LINGO2: variants seen among roughly 807,000 people sequenced by gnomAD.
LINGO2 encodes the protein leucine-rich repeat and immunoglobulin-like domain-containing nogo receptor-interacting protein 2.
Under a neutral mutation model 30.6 loss-of-function variants are expected in LINGO2, and 14 were observed. The observed-to-expected ratio is 0.46, with a 90% CI of 0.30 to 0.72. The LOEUF is 0.72. Ranked by LOEUF, LINGO2 falls within the 30% of genes least tolerant of loss-of-function variation. LINGO2 has a pLI of 0.07. For missense variants in LINGO2, 729 were observed against 751.7 expected (o/e 0.97, Z 0.35); for synonymous variants, 317 against 288.5 (o/e 1.10, Z -1.00).
chr9:28,243,453 C>G (rs1821877781), intron 4 of LINGO2, among the ~76,000 whole-genome samples: 1 of 100,698 alleles, frequency 9.9e-6, no homozygotes, highest in Non-Finnish European at 1.9e-5. Flanking sequence ...GAGAAAGACT[C>G]TCTCAAAAAA....
the LINGO2 span, among the ~76,000 whole-genome samples, chr9:29,053,736 G>C: frequency 1.3e-5 from 2 of 151,890 alleles, no homozygotes; most frequent in African/African-American, 4.8e-5. Context: ...TTTCATTTTT[G>C]TCAATAGATT....
At chr9:28,657,068 A>G (rs1828376876) in intron 1 of LINGO2, among the ~76,000 whole-genome samples, 1 of 152,102 alleles carries the variant, frequency 6.6e-6, no homozygotes, top group African/African-American at 2.4e-5. Flanking sequence ...CCATACATAA[A>G]GACTTGATCC....
At chr9:28,626,090 T>G (rs1010908782) in intron 1 of LINGO2, among the ~76,000 whole-genome samples, 2 of 152,136 alleles carry the variant, frequency 1.3e-5, no homozygotes, top group African/African-American at 4.8e-5. Context: ...AAATTTGTAT[T>G]CTCATTCTTT....
At chr9:28,309,030 CT>C (rs1391372082) in intron 3 of LINGO2, among the ~76,000 whole-genome samples, 4 of 151,650 alleles carry the variant, frequency 2.6e-5, no homozygotes, top group South Asian at 2.1e-4. Context: ...GTGGCAATTC[CT>C]CAGGGATCTA....
At chr9:28,684,175 C>CTTTTTTTTTTTTTTTTTTTTTTT in the LINGO2 span, among the ~76,000 whole-genome samples, 1 of 45,438 alleles carries the variant, frequency 2.2e-5, no homozygotes, top group Admixed American at 4.3e-4. Context: ...AAATGTTTAT[C>CTTTTTTTTTTTTTTTTTTTTTTT]TTTTTTTTTT....
chr9:28,605,817 G>T (rs1157834644), intron 1 of LINGO2, among the ~76,000 whole-genome samples: 1 of 151,948 alleles, frequency 6.6e-6, no homozygotes, highest in Non-Finnish European at 1.5e-5. Context: ...CACTCATTTA[G>T]TACTGTCTAT....
At chr9:28,057,592 C>CATATATATACACATATATGTATATAG (rs1824994174) in intron 4 of LINGO2, among the ~76,000 whole-genome samples, 1 of 145,598 alleles carries the variant, frequency 6.9e-6, no homozygotes, top group Non-Finnish European at 1.5e-5. Context: ...TATGTATATA[C>CATATATATACACATATATGTATATAG]ATATATATAC....
the LINGO2 span, among the ~76,000 whole-genome samples, chr9:29,083,326 C>A: frequency 6.6e-6 from 1 of 152,024 alleles, no homozygotes; most frequent in Non-Finnish European, 1.5e-5. Context: ...AGCAAACTAT[C>A]ACAAGGACAA....
downstream of LINGO2, chr9:27,943,295 T>C (rs1329174493): frequency 6.6e-6 from 1 of 152,200 alleles, no homozygotes; most frequent in Non-Finnish European, 1.5e-5. Context: ...AGTTATCTTT[T>C]GAACTTTATT....
At chr9:28,140,106 ATCT>A (rs1827631282) in intron 4 of LINGO2, among the ~76,000 whole-genome samples, 1 of 152,224 alleles carries the variant, frequency 6.6e-6, no homozygotes, top group African/African-American at 2.4e-5. Flanking sequence ...GCCAGGCTAA[ATCT>A]TAAAGACCTA....
At chr9:28,093,076 G>A (rs1395527109) in intron 4 of LINGO2, among the ~76,000 whole-genome samples, 1 of 152,062 alleles carries the variant, frequency 6.6e-6, no homozygotes, top group Non-Finnish European at 1.5e-5. Flanking sequence ...CAGGTAGTCA[G>A]ACCTCTAAGT....
chr9:28,977,366 T>A, the LINGO2 span, among the ~76,000 whole-genome samples: 2 of 152,146 alleles, frequency 1.3e-5, no homozygotes, highest in Non-Finnish European at 2.9e-5. Context: ...TCAGAAGTTA[T>A]TGCTTCATAA....
chr9:28,145,310 T>A (rs1474720112), intron 4 of LINGO2, among the ~76,000 whole-genome samples: 1 of 152,220 alleles, frequency 6.6e-6, no homozygotes, highest in Non-Finnish European at 1.5e-5. Flanking sequence ...ACACATGGGA[T>A]AATTTGTAGT....
chr9:28,958,748 G>C, the LINGO2 span, among the ~76,000 whole-genome samples: 8,434 of 152,110 alleles, frequency 0.055, 341 homozygotes, highest in Non-Finnish European at 0.077. Context: ...GGGAAGGGAG[G>C]GGGGAGAGGG....
the LINGO2 span, among the ~76,000 whole-genome samples, chr9:29,212,247 G>A: frequency 6.6e-6 from 1 of 151,840 alleles, no homozygotes; most frequent in African/African-American, 2.4e-5. Flanking sequence ...CACGTCCCCC[G>A]CCCCTGCCGC....
At chr9:28,839,192 G>T in the LINGO2 span, among the ~76,000 whole-genome samples, 1 of 152,196 alleles carries the variant, frequency 6.6e-6, no homozygotes, top group Non-Finnish European at 1.5e-5. Context: ...TGGCAAGTGA[G>T]GGGCGTGTTT....
the LINGO2 span, among the ~76,000 whole-genome samples, chr9:28,989,054 G>C: frequency 6.6e-6 from 1 of 152,084 alleles, no homozygotes; most frequent in South Asian, 2.1e-4. Flanking sequence ...TACTCATGCA[G>C]TGCAGTGGAA....
At chr9:28,744,641 T>TGTGTGTGTGTGTA in the LINGO2 span, among the ~76,000 whole-genome samples, 1 of 104,058 alleles carries the variant, frequency 9.6e-6, no homozygotes. Flanking sequence ...TGTGTGTGTA[T>TGTGTGTGTGTGTA]TTTTTTTTTT....
Position 28,006,364 on chromosome 9 carries a change from G to A in LINGO2, c.-36+5991C>T, listed in dbSNP as rs146842624. On this transcript the variant is annotated intron_variant, in intron 5 of 5. Coordinates refer to ENST00000379992, the Ensembl canonical transcript of LINGO2. Reference sequence around the variant, plus strand: ...AATCCTTACCAGAGATCAAAATAGTGGGGCTATCAGAGGGAGGAATAGTGG... The same window carrying A: ...AATCCTTACCAGAGATCAAAATAGTAGGGCTATCAGAGGGAGGAATAGTGG... Among the ~76,000 whole-genome samples the A allele has an allele frequency of 3.6e-3, 548 of 152,134 alleles. 2 individuals carry two copies. The highest frequency in any genetic ancestry group is 5.9e-3 in the Non-Finnish European group (400 of 67,972).
Sources: allele counts gnomAD v4.1 joint callset (sites outside exome capture counted in the v4.1 genomes callset), GRCh38; gene constraint gnomAD v4.1.1; transcripts MANE v1.5; gene names NCBI Gene and HGNC (gene_info 2026-07-23, HGNC 2026-07-21).